GPC6: variants seen among roughly 807,000 people sequenced by gnomAD.
GPC6 encodes the protein glypican 6, also known as glypican-6.
A neutral mutation model predicts 55.2 loss-of-function variants in GPC6; 14 were observed. That is an observed-to-expected ratio of 0.25 (90% CI 0.17 to 0.40). The LOEUF is 0.40. Ranked by LOEUF, GPC6 falls within the 10% of genes least tolerant of loss-of-function variation. The pLI, the probability that GPC6 is intolerant of heterozygous loss-of-function variation, is 1.00. For missense variants in GPC6, 641 were observed against 708.5 expected, an observed-to-expected ratio of 0.90 and a Z score of 1.08; for synonymous variants, 278 against 259.6, an observed-to-expected ratio of 1.07 and a Z score of -0.68.
At chr13:93,871,579 C>T (rs575039401) in intron 3 of GPC6, among the ~76,000 whole-genome samples, 80 of 152,084 alleles carry the variant, frequency 5.3e-4, no homozygotes, top group African/African-American at 1.8e-3. Context: ...ATTTTGATGT[C>T]AGACACATTT....
chr13:94,222,333 G>A (rs1174249879), intron 4 of GPC6, among the ~76,000 whole-genome samples: 4 of 152,134 alleles, frequency 2.6e-5, no homozygotes, highest in South Asian at 2.1e-4. Flanking sequence ...AATATTTGGA[G>A]AGAAGTCCCA....
intron 3 of GPC6, among the ~76,000 whole-genome samples, chr13:94,017,321 G>A (rs1006501607): frequency 2.0e-5 from 3 of 152,106 alleles, no homozygotes; most frequent in African/African-American, 4.8e-5. Context: ...CCATGAAGAA[G>A]TATGACTGGG....
chr13:93,586,851 C>T (rs1335151904), intron 2 of GPC6, among the ~76,000 whole-genome samples: 1 of 152,042 alleles, frequency 6.6e-6, no homozygotes, highest in Non-Finnish European at 1.5e-5. Context: ...ACCAAATTTA[C>T]TAGTACTGGT....
intron 4 of GPC6, among the ~76,000 whole-genome samples, chr13:94,228,189 A>G (rs1890614758): frequency 6.6e-6 from 1 of 152,162 alleles, no homozygotes; most frequent in South Asian, 2.1e-4. Flanking sequence ...CCTGCTGCAC[A>G]CACACTTATG....
intron 2 of GPC6, among the ~76,000 whole-genome samples, chr13:93,728,958 G>A (rs1422462726): frequency 1.3e-5 from 2 of 152,174 alleles, no homozygotes; most frequent in African/African-American, 4.8e-5. Context: ...GTCATAATCA[G>A]TCTACAACTA....
intron 6 of GPC6, among the ~76,000 whole-genome samples, chr13:94,350,723 G>C (rs757115361): frequency 6.6e-6 from 1 of 152,118 alleles, no homozygotes; most frequent in Non-Finnish European, 1.5e-5. Flanking sequence ...TCTTCCAGCT[G>C]TGTGCAGAAT....
chr13:93,986,778 A>G (rs1206513444), intron 3 of GPC6, among the ~76,000 whole-genome samples: 1 of 152,142 alleles, frequency 6.6e-6, no homozygotes, highest in Admixed American at 6.5e-5. Flanking sequence ...TTATTTTAGT[A>G]TTTTACATTC....
chr13:94,312,755 C>T (rs1344738471), intron 6 of GPC6, among the ~76,000 whole-genome samples: 1 of 152,100 alleles, frequency 6.6e-6, no homozygotes, highest in Admixed American at 6.5e-5. Context: ...CACTCACCCT[C>T]AGTCTTCGCT....
chr13:93,959,287 C>T (rs1173269823), intron 3 of GPC6, among the ~76,000 whole-genome samples: 1 of 151,998 alleles, frequency 6.6e-6, no homozygotes, highest in African/African-American at 2.4e-5. Flanking sequence ...CTCAGCCTCC[C>T]AAGTAGCTGG....
chr13:93,305,301 T>A (rs748986313), intron 1 of GPC6, among the ~76,000 whole-genome samples: 3 of 152,088 alleles, frequency 2.0e-5, no homozygotes, highest in Non-Finnish European at 4.4e-5. Context: ...ACTTCTCTAG[T>A]GATTATGATG....
intron 2 of GPC6, among the ~76,000 whole-genome samples, chr13:93,660,480 A>T (rs2139611847): frequency 6.6e-6 from 1 of 152,278 alleles, no homozygotes; most frequent in Non-Finnish European, 1.5e-5. Flanking sequence ...TGACATAAAA[A>T]CACTTGCAGA....
At chr13:93,627,258 G>T (rs1879241928) in intron 2 of GPC6, among the ~76,000 whole-genome samples, 1 of 151,996 alleles carries the variant, frequency 6.6e-6, no homozygotes, top group African/African-American at 2.4e-5. Context: ...GTGGTGTTTG[G>T]TTTTCTGTTC....
intron 2 of GPC6, among the ~76,000 whole-genome samples, chr13:93,581,160 T>A (rs568511268): frequency 6.6e-6 from 1 of 152,312 alleles, no homozygotes; most frequent in South Asian, 2.1e-4. Context: ...GACTCTCAAA[T>A]CTACATGTGA....
chr13:94,330,750 G>A (rs72632655), intron 6 of GPC6, among the ~76,000 whole-genome samples: 8,226 of 152,156 alleles, frequency 0.054, 358 homozygotes, highest in South Asian at 0.19. Flanking sequence ...TGTGCTCCAT[G>A]TTTTTCCCTG....
chr13:94,347,907 G>A (rs1168031735), intron 6 of GPC6, among the ~76,000 whole-genome samples: 1 of 152,216 alleles, frequency 6.6e-6, no homozygotes, highest in African/African-American at 2.4e-5. Flanking sequence ...ACCAAAGCGG[G>A]TGGGTACCCG....
At chr13:94,266,379 A>G (rs546812971) in intron 4 of GPC6, among the ~76,000 whole-genome samples, 130 of 152,246 alleles carry the variant, frequency 8.5e-4, no homozygotes, top group African/African-American at 2.9e-3. Context: ...TGTGTTAGCC[A>G]GGATGGTCTC....
intron 4 of GPC6, among the ~76,000 whole-genome samples, chr13:94,186,198 A>G (rs1351718183): frequency 6.6e-6 from 1 of 152,132 alleles, no homozygotes; most frequent in African/African-American, 2.4e-5. Flanking sequence ...AACACAATGC[A>G]TATTTACTCA....
In GPC6 at chr13:94,212,941, A is replaced by T. The variant is rs1289050438; in HGVS notation, c.878-73408A>T. On this transcript the variant is annotated intron_variant, in intron 4 of 8. Coordinates refer to ENST00000377047, the MANE Select transcript of GPC6 (RefSeq NM_005708.5). ...GGGAGGCCAAGGTGGGCAGATCACAAGGTCAGGAGTTTGAGACCAGCCTGG... is the reference window on the plus strand; with the variant it reads ...GGGAGGCCAAGGTGGGCAGATCACATGGTCAGGAGTTTGAGACCAGCCTGG... Among the ~76,000 whole-genome samples the T allele has an allele frequency of 3.3e-5, 5 of 152,218 alleles. No homozygotes were observed. In the East Asian group the frequency reaches 9.6e-4, roughly 29 times the overall value.
chr13:93,430,943 T>C (rs1002874721), intron 1 of GPC6, among the ~76,000 whole-genome samples: 1 of 152,160 alleles, frequency 6.6e-6, no homozygotes, highest in Non-Finnish European at 1.5e-5. Flanking sequence ...TGAATGCAAA[T>C]GTTAGAAGGC....
Sources: allele counts gnomAD v4.1 joint callset (sites outside exome capture counted in the v4.1 genomes callset), GRCh38; gene constraint gnomAD v4.1.1; transcripts MANE v1.5; gene names NCBI Gene and HGNC (gene_info 2026-07-23, HGNC 2026-07-21).